Variants in TANC2 observed in about 807,000 individuals in gnomAD.
The protein encoded by TANC2 is protein TANC2.
In TANC2, 26 loss-of-function variants were observed where a neutral mutation model predicts 210.5. The observed-to-expected ratio is 0.12, with a 90% CI of 0.09 to 0.17. TANC2 has a LOEUF of 0.17. Among genes scored for constraint, TANC2 ranks in the 10% least tolerant of loss-of-function variants. The probability of loss-of-function intolerance (pLI) is 1.00; values close to 1 mark genes in which losing one functional copy is unlikely to be tolerated. For missense variants in TANC2, 2,129 were observed against 2,608.9 expected (o/e 0.82, Z 4.01); for synonymous variants, 931 against 967.1 (o/e 0.96, Z 0.69).
chr17:63,204,821 A>G (rs2041647437), intron 7 of TANC2, among the ~76,000 whole-genome samples: 1 of 152,226 alleles, frequency 6.6e-6, no homozygotes, highest in South Asian at 2.1e-4. Flanking sequence ...GCAGTGGCTC[A>G]TGCCTGTAAT....
At chr17:63,310,399 A>G (rs2146556725) in intron 9 of TANC2, among the ~76,000 whole-genome samples, 1 of 152,292 alleles carries the variant, frequency 6.6e-6, no homozygotes, top group South Asian at 2.1e-4. Context: ...GTGAGCCAAG[A>G]TTGCGCCACT....
chr17:63,413,497 T>TA, intron 24 of TANC2, 46 bp from the exon 25 acceptor site: 1 of 1,493,146 alleles, frequency 6.7e-7, no homozygotes, highest in Non-Finnish European at 9.1e-7. Flanking sequence ...CTACCACCCT[T>TA]ACATTGTATG....
At chr17:62,996,096 G>A (rs760400282) in intron 1 of TANC2, among the ~76,000 whole-genome samples, 3 of 152,136 alleles carry the variant, frequency 2.0e-5, no homozygotes, top group Admixed American at 6.6e-5. Flanking sequence ...TGTCTTTCTT[G>A]TATTGGCTTG....
At chr17:63,107,535 A>G (rs865801182) in intron 4 of TANC2, among the ~76,000 whole-genome samples, 2 of 151,718 alleles carry the variant, frequency 1.3e-5, no homozygotes, top group Non-Finnish European at 2.9e-5. Context: ...TTGTACATGT[A>G]TGTTCATAGC....
intron 2 of TANC2, among the ~76,000 whole-genome samples, chr17:63,030,318 A>G (rs1017290042): frequency 6.6e-6 from 1 of 152,184 alleles, no homozygotes; most frequent in Non-Finnish European, 1.5e-5. Context: ...ACATTCATAT[A>G]ACTAAGAATT....
chr17:63,366,109 T>C (rs2047102674), intron 14 of TANC2, among the ~76,000 whole-genome samples: 1 of 152,120 alleles, frequency 6.6e-6, no homozygotes, highest in African/African-American at 2.4e-5. Context: ...TAAGTGGTAC[T>C]AATTTTAAGC....
intron 6 of TANC2, among the ~76,000 whole-genome samples, chr17:63,196,145 T>G (rs553363711): frequency 1.2e-4 from 18 of 152,332 alleles, no homozygotes; most frequent in African/African-American, 4.3e-4. Flanking sequence ...TGATATTACA[T>G]TACATGTTTA....
At chr17:63,315,677 TGA>T (rs1230595506) in intron 10 of TANC2, among the ~76,000 whole-genome samples, 2 of 152,170 alleles carry the variant, frequency 1.3e-5, no homozygotes, top group Non-Finnish European at 2.9e-5. Flanking sequence ...ATGGTTTGTG[TGA>T]GATAATAGTA....
intron 2 of TANC2, among the ~76,000 whole-genome samples, chr17:63,029,415 A>G (rs527618463): frequency 1.1e-4 from 17 of 149,778 alleles, no homozygotes; most frequent in Middle Eastern, 3.4e-3. Context: ...TTTATAATAC[A>G]TATTTGTTAA....
intron 4 of TANC2, among the ~76,000 whole-genome samples, chr17:63,114,748 A>T (rs2038189349): frequency 6.6e-6 from 1 of 152,200 alleles, no homozygotes; most frequent in South Asian, 2.1e-4. Flanking sequence ...GAATAAAAAT[A>T]AAAAAGAATG....
intron 7 of TANC2, among the ~76,000 whole-genome samples, chr17:63,215,749 A>T (rs1598623398): frequency 6.6e-6 from 1 of 151,118 alleles, no homozygotes; most frequent in African/African-American, 2.4e-5. Flanking sequence ...TTTTTATTTT[A>T]TTATTATTTT....
At chr17:63,236,854 A>T (rs2042635160) in intron 7 of TANC2, among the ~76,000 whole-genome samples, 1 of 152,176 alleles carries the variant, frequency 6.6e-6, no homozygotes. Flanking sequence ...ATAATATTCC[A>T]TTGTGTGTAT....
chr17:63,316,439 G>A (rs2045315122), intron 10 of TANC2, among the ~76,000 whole-genome samples: 1 of 152,150 alleles, frequency 6.6e-6, no homozygotes, highest in South Asian at 2.1e-4. Context: ...CTCTCTATGA[G>A]CCTGGGGGAG....
rs571027362 is a variant in TANC2, at chr17:63,218,896, A to G, written c.769+17939A>G. ...GCAACAAGAGCGAGACTCCATCTCA[A>G]AAAAGAAAAAAAAATAGTAAGTTTA... On this transcript the variant is annotated intron_variant, in intron 7 of 27. Transcript: ENST00000689528. 1.1e-4 allele frequency among the ~76,000 whole-genome samples: 16 copies of G among 152,300 alleles called. No homozygotes were observed. In the South Asian group the frequency reaches 3.1e-3, roughly 30 times the overall value.
chr17:63,012,746 G>C (rs902168391), intron 2 of TANC2, among the ~76,000 whole-genome samples: 44 of 152,170 alleles, frequency 2.9e-4, no homozygotes, highest in African/African-American at 8.9e-4. Flanking sequence ...CAAACTTCTA[G>C]GCCCAAACTT....
chr17:63,159,902 A>G lies in TANC2; in HGVS notation c.433+8522A>G, dbSNP rs115985606. Among the ~76,000 whole-genome samples, 1,260 of 152,272 alleles carry G rather than the reference A, an allele frequency of 8.3e-3. 14 individuals carry two copies. The highest frequency in any genetic ancestry group is 0.028 in the African/African-American group (1,152 of 41,544). ...CATAGATTGGGTGGCTTAAACAACA[A>G]ACTACTGTTCATATAGTTCTGGAGG... On this transcript the variant is annotated intron_variant, in intron 5 of 27. Transcript: ENST00000689528.
At chr17:63,038,369 C>T (rs1372328793) in intron 2 of TANC2, among the ~76,000 whole-genome samples, 41 of 152,134 alleles carry the variant, frequency 2.7e-4, no homozygotes, top group Admixed American at 2.7e-3. Context: ...GGATAAACCC[C>T]ACCTACTCAT....
intron 4 of TANC2, among the ~76,000 whole-genome samples, chr17:63,100,562 C>T (rs1487562446): frequency 6.6e-6 from 1 of 151,996 alleles, no homozygotes; most frequent in Non-Finnish European, 1.5e-5. Context: ...AATCTCAGTG[C>T]TTAGAAATTC....
At chr17:63,177,280 AAAAC>A (rs2040620672) in intron 5 of TANC2, among the ~76,000 whole-genome samples, 1 of 151,534 alleles carries the variant, frequency 6.6e-6, no homozygotes, top group African/African-American at 2.4e-5. Context: ...AAAAAAAAAA[AAAAC>A]ACAAAATTTA....
Sources: allele counts gnomAD v4.1 joint callset (sites outside exome capture counted in the v4.1 genomes callset), GRCh38; gene constraint gnomAD v4.1.1; transcripts MANE v1.5; gene names NCBI Gene and HGNC (gene_info 2026-07-23, HGNC 2026-07-21).